Variants in LTBP2 observed in about 807,000 individuals in gnomAD.
LTBP2 encodes the protein latent transforming growth factor beta binding protein 2, also known as latent-transforming growth factor beta-binding protein 2.
A neutral mutation model predicts 210.6 loss-of-function variants in LTBP2; 103 were observed. The observed-to-expected ratio is 0.49, with a 90% CI of 0.42 to 0.58. LTBP2 has a LOEUF of 0.58. Ranked by LOEUF, LTBP2 falls within the 20% of genes least tolerant of loss-of-function variation. The probability of loss-of-function intolerance (pLI) is 0.00; values close to 1 mark genes in which losing one functional copy is unlikely to be tolerated. For missense variants in LTBP2, 2,313 were observed against 2,494.5 expected, an observed-to-expected ratio of 0.93 and a Z score of 1.55; for synonymous variants, 1,007 against 1,015.0, an observed-to-expected ratio of 0.99 and a Z score of 0.15.
rs748112057 is a variant in LTBP2, at chr14:74,505,054, T to G, written c.4298A>C (p.Gln1433Pro). The G allele has an allele frequency of 6.2e-6, 10 of 1,614,134 alleles. No homozygotes were observed. The highest frequency in any genetic ancestry group is 8.5e-6 in the Non-Finnish European group (10 of 1,180,018). Residue 1433 changes from glutamine to proline, a missense_variant, in exon 29 of 36, where the codon CAG (glutamine) becomes CCG (proline). Physicochemically the swap from Gln to Pro is moderately conservative, Grantham distance 76. Transcript: ENST00000261978. ...CSSVLGRNTT[Q>P]AECCCTQGAS... ...GCCCTGGGTGCAGCAGCATTCAGCC[T>G]GTGTGGTGTTCCGGCCCAGGACACT...
In LTBP2 at chr14:74,509,324, C is replaced by T; in HGVS notation, c.3317G>A (p.Gly1106Glu). The T allele has an allele frequency of 1.2e-6, 2 of 1,613,552 alleles. No homozygotes were observed. Among genetic ancestry groups the T allele is most frequent in the Non-Finnish European group, 1.7e-6 (2 of 1,179,922 alleles). The change falls in exon 22 of 36, where the codon GGA (glycine) becomes GAA (glutamate). Residue 1106 changes from glycine to glutamate, a missense_variant. By Grantham distance (98) the Gly-to-Glu change is moderately conservative. This residue lies in a region of LTBP2 where 1,867 missense variants were observed against 1,976.9 expected (regional missense o/e 0.94). Coordinates refer to ENST00000261978, the MANE Select transcript of LTBP2 (RefSeq NM_000428.3). ...ECAFPGVCPS[G>E]VCTNTAGSFS... ...GGAGCCAGCCGTGTTGGTGCAGACT[C>T]CGGAGGGGCAGACTCCCGGGAAGGC...
At chr14:74,554,073 G>C (rs910546697) in intron 4 of LTBP2, among the ~76,000 whole-genome samples, 6 of 151,826 alleles carry the variant, frequency 4.0e-5, no homozygotes, top group Non-Finnish European at 8.8e-5. Flanking sequence ...GCGTTCCAGA[G>C]GAAATGACAA....
At chr14:74,580,825 G>T (rs1167688505) in intron 3 of LTBP2, among the ~76,000 whole-genome samples, 2 of 152,146 alleles carry the variant, frequency 1.3e-5, no homozygotes, top group Non-Finnish European at 1.5e-5. Context: ...TGGGTATGGT[G>T]GTGCACACCT....
rs371373067 is a variant in LTBP2 at position 74,552,203 on chromosome 14, C to A, written c.1383G>T (p.Pro461=). The A allele has an allele frequency of 1.8e-5, 29 of 1,608,432 alleles. No homozygotes were observed. The African/African-American group carries it at 3.1e-4, about 17-fold the overall frequency. The change falls in exon 6 of 36, where the codon CCG becomes CCT. Residue 461 remains proline, a synonymous_variant. Coordinates refer to ENST00000261978, the MANE Select transcript of LTBP2 (RefSeq NM_000428.3). ...GGCACTCACCCAGCTGGTTGGAGAGCGGCAGTGTGAAAGTGGACTGCTTCA... is the reference window on the plus strand; with the variant it reads ...GGCACTCACCCAGCTGGTTGGAGAGAGGCAGTGTGAAAGTGGACTGCTTCA... The part of the protein sequence containing the change: ...APLKQSTFTL[P]LSNQLASVNP...
In LTBP2 at chr14:74,611,636, G is replaced by GGCCTCC; in HGVS notation, c.303_308dup (p.Glu102_Ala103dup). On this transcript the variant is annotated inframe_insertion, in exon 1 of 36. Transcript: ENST00000261978. ...ACTGCTGCGCGCGGGACGGCCTCCT[G>GGCCTCC]GCCTCCGCCTCGGTGGGCCTCCTGG... 6.4e-7 allele frequency: 1 copy of GGCCTCC among 1,560,178 alleles called. No homozygotes were observed. The highest frequency in any genetic ancestry group is 2.4e-5 in the East Asian group (1 of 42,536).
intron 4 of LTBP2, among the ~76,000 whole-genome samples, chr14:74,553,372 C>A (rs1236943963): frequency 1.3e-5 from 2 of 152,090 alleles, no homozygotes; most frequent in African/African-American, 4.8e-5. Context: ...TTTCATATAT[C>A]CAACCTACTG....
At chr14:74,517,943 A>C (rs936304866) in intron 17 of LTBP2, among the ~76,000 whole-genome samples, 2 of 152,210 alleles carry the variant, frequency 1.3e-5, no homozygotes, top group Non-Finnish European at 2.9e-5. Flanking sequence ...GCTAATTCAC[A>C]CAAGTCCCTT....
rs1334840942 is a variant in LTBP2, at chr14:74,560,745, A to C, written c.831-5052T>G. 3.9e-5 allele frequency among the ~76,000 whole-genome samples: 6 copies of C among 152,378 alleles called. No homozygotes were observed. In the South Asian group the frequency reaches 8.3e-4, roughly 21 times the overall value. Reference sequence around the variant, plus strand: ...GAAAATATTTGGGGGGAAAACCCCCAAAAATAGCAATCAACAATGAAAAAT... The same window carrying C: ...GAAAATATTTGGGGGGAAAACCCCCCAAAATAGCAATCAACAATGAAAAAT... On this transcript the variant is annotated intron_variant, in intron 3 of 35. Coordinates refer to ENST00000261978, the MANE Select transcript of LTBP2 (RefSeq NM_000428.3).
intron 18 of LTBP2, among the ~76,000 whole-genome samples, chr14:74,513,361 C>T (rs1487379841): frequency 1.3e-5 from 2 of 152,218 alleles, no homozygotes; most frequent in African/African-American, 4.8e-5. Flanking sequence ...AATTTATGGA[C>T]CAAACCATTT....
At chr14:74,536,440 A>C (rs1219405835) in intron 8 of LTBP2, among the ~76,000 whole-genome samples, 1 of 152,252 alleles carries the variant, frequency 6.6e-6, no homozygotes, top group East Asian at 1.9e-4. Context: ...TGTATTCTTG[A>C]AAATTGCTAA....
chr14:74,596,759 C>T (rs1409685510), intron 2 of LTBP2, among the ~76,000 whole-genome samples: 1 of 152,142 alleles, frequency 6.6e-6, no homozygotes, highest in African/African-American at 2.4e-5. Flanking sequence ...GTCCCTGTAG[C>T]CCCTGGGTGG....
chr14:74,519,513 A>G (rs1280160474), intron 17 of LTBP2, among the ~76,000 whole-genome samples: 1 of 150,494 alleles, frequency 6.6e-6, no homozygotes, highest in African/African-American at 2.4e-5. Context: ...ATTATGATTT[A>G]TATTAATTAT....
At chr14:74,604,668 C>T (rs959805589) in intron 1 of LTBP2, among the ~76,000 whole-genome samples, 1 of 151,036 alleles carries the variant, frequency 6.6e-6, no homozygotes, top group African/African-American at 2.4e-5. Context: ...TAAAAATATT[C>T]TTAATAGAGA....
In LTBP2 at chr14:74,596,657, C is replaced by G. The variant is rs1409056699; in HGVS notation, c.565+6978G>C. Among the ~76,000 whole-genome samples, 3 of 152,292 alleles carry G rather than the reference C, an allele frequency of 2.0e-5. No individual in the cohort carries two copies. The East Asian group carries it at 5.8e-4, about 29-fold the overall frequency. On this transcript the variant is annotated intron_variant, in intron 2 of 35. Coordinates refer to ENST00000261978, the MANE Select transcript of LTBP2 (RefSeq NM_000428.3). ...ACAGGGCCCTGGCCCAGAGAGGCAG[C>G]AGGGAAGCAGGCAGGTCCACGAGGG...
In LTBP2 at chr14:74,503,907, G is replaced by A; in HGVS notation, c.4582+19C>T. 1.2e-6 allele frequency: 2 copies of A among 1,613,848 alleles called. No homozygotes were observed. The highest frequency in any genetic ancestry group is 3.3e-4 in the Middle Eastern group (2 of 6,058). Reference sequence around the variant, plus strand: ...AGCTGTGGGCCTGGGGTGGGGGCAGGGATCATGTGTGTCCTTACCCTCACA... The same window carrying A: ...AGCTGTGGGCCTGGGGTGGGGGCAGAGATCATGTGTGTCCTTACCCTCACA... On this transcript the variant is annotated intron_variant, in intron 31 of 35. Coordinates refer to ENST00000261978, the MANE Select transcript of LTBP2 (RefSeq NM_000428.3).
At chr14:74,569,692 T>C (rs1198004403) in intron 3 of LTBP2, among the ~76,000 whole-genome samples, 1 of 152,154 alleles carries the variant, frequency 6.6e-6, no homozygotes, top group African/African-American at 2.4e-5. Context: ...ACAACCTGTC[T>C]TGATGAAATA....
chr14:74,608,740 A>C (rs1566659178), intron 1 of LTBP2, among the ~76,000 whole-genome samples: 1 of 126,022 alleles, frequency 7.9e-6, no homozygotes, highest in Non-Finnish European at 1.7e-5. Context: ...AAAAAAAGAA[A>C]GAAAGAATAA....
intron 18 of LTBP2, among the ~76,000 whole-genome samples, chr14:74,516,473 A>T (rs2087136588): frequency 6.6e-6 from 1 of 152,074 alleles, no homozygotes; most frequent in Admixed American, 6.5e-5. Flanking sequence ...AACAAGCTTA[A>T]TAAGAAGGCT....
At chr14:74,594,639 A>C (rs2088332274) in intron 2 of LTBP2, among the ~76,000 whole-genome samples, 1 of 152,042 alleles carries the variant, frequency 6.6e-6, no homozygotes, top group Non-Finnish European at 1.5e-5. Flanking sequence ...TGGGACCCTC[A>C]CCTGGAGACC....
Sources: allele counts gnomAD v4.1 joint callset (sites outside exome capture counted in the v4.1 genomes callset), GRCh38; gene constraint gnomAD v4.1.1; regional missense constraint gnomAD v4.1.1; transcripts MANE v1.5; gene names NCBI Gene and HGNC (gene_info 2026-07-23, HGNC 2026-07-21).